The following TXNDC8 variants were observed in gnomAD, a reference collection of about 807,000 sequenced individuals.
The protein encoded by TXNDC8 is thioredoxin domain-containing protein 8.
A neutral mutation model predicts 12.9 loss-of-function variants in TXNDC8; 15 were observed. The ratio of observed to expected loss-of-function variants is 1.16; its 90% CI spans 0.78 to 1.79. The LOEUF is 1.79. Ranked by LOEUF, TXNDC8 falls within the 40% of genes most tolerant of loss-of-function variation. The pLI is 0.00. For synonymous variants in TXNDC8, 40 were observed against 35.4 expected, an observed-to-expected ratio of 1.13 and a Z score of -0.46; for missense variants, 128 against 113.2, an observed-to-expected ratio of 1.13 and a Z score of -0.59.
chr9:110,303,146 C>T (rs1838305465), downstream of TXNDC8, among the ~76,000 whole-genome samples: 3 of 152,034 alleles, frequency 2.0e-5, no homozygotes, highest in Admixed American at 1.3e-4. Flanking sequence ...GTTCAAAGTG[C>T]ACGAGGGCAC....
downstream of TXNDC8, among the ~76,000 whole-genome samples, chr9:110,302,450 C>T (rs1838289046): frequency 6.6e-6 from 1 of 152,136 alleles, no homozygotes; most frequent in Non-Finnish European, 1.5e-5. Flanking sequence ...CCAAAGAATT[C>T]TAAAAAAGCA....
rs1839196229 is a variant in TXNDC8 at position 110,323,684 on chromosome 9, ATGGG to A, written c.195+2487_195+2490del. 23 of 606,354 alleles carry A rather than the reference ATGGG, an allele frequency of 3.8e-5. 1 individual carries two copies. The highest frequency in any genetic ancestry group is 1.5e-4 in the South Asian group (5 of 32,774). The allele number at this position is 606,354 out of a possible 1,614,324, so 37.6% of individuals were successfully genotyped here. On this transcript the variant is annotated intron_variant, in intron 3 of 4. Coordinates refer to ENST00000423740, the MANE Select transcript of TXNDC8 (RefSeq NM_001286946.2). ...CAGAGTTTACATAGCTGAAGAATCT[ATGGG>A]GATAGTGTAGGCTTCAGGCATGGAT...
chr9:110,332,908 C>T (rs781077223), intron 2 of TXNDC8, among the ~76,000 whole-genome samples: 7 of 152,080 alleles, frequency 4.6e-5, no homozygotes, highest in East Asian at 1.9e-4. Context: ...ACATGCAAGG[C>T]GTATTATTCG....
At chr9:110,302,817 AC>A (rs1487676733), downstream of TXNDC8, among the ~76,000 whole-genome samples, 5 of 152,078 alleles carry the variant, frequency 3.3e-5, no homozygotes, top group Non-Finnish European at 7.4e-5. Flanking sequence ...TAATCCCAGA[AC>A]TTTGGGAGGC....
intron 2 of TXNDC8, among the ~76,000 whole-genome samples, chr9:110,328,421 G>A (rs773490757): frequency 3.3e-5 from 5 of 152,006 alleles, no homozygotes; most frequent in Non-Finnish European, 5.9e-5. Context: ...TTCTTATGAT[G>A]CTTCAAAAAA....
chr9:110,315,881 G>A (rs1022234151), intron 3 of TXNDC8, among the ~76,000 whole-genome samples: 19 of 151,538 alleles, frequency 1.3e-4, no homozygotes, highest in African/African-American at 4.6e-4. Context: ...CTGTAGAAAT[G>A]TATGTACAAT....
At chr9:110,336,829 G>A (rs796694773) in intron 1 of TXNDC8, among the ~76,000 whole-genome samples, 8 of 152,206 alleles carry the variant, frequency 5.3e-5, no homozygotes, top group African/African-American at 1.9e-4. Context: ...GGATGGCCAA[G>A]GTCAACCTCA....
At chr9:110,318,732 C>T (rs1176807791) in intron 3 of TXNDC8, among the ~76,000 whole-genome samples, 4 of 149,536 alleles carry the variant, frequency 2.7e-5, no homozygotes, top group Admixed American at 2.7e-4. Flanking sequence ...AGCAAGACTC[C>T]GTCTAAAAAA....
chr9:110,311,715 C>G lies in TXNDC8; in HGVS notation c.196-7183G>C, dbSNP rs560699197. 3.8e-3 allele frequency among the ~76,000 whole-genome samples: 466 copies of G among 122,954 alleles called. 8 individuals are homozygous for G. The highest frequency in any genetic ancestry group is 0.014 in the African/African-American group (445 of 31,132). The allele number at this position is 122,954 out of a possible 152,430, so 80.7% of individuals were successfully genotyped here. On this transcript the variant is annotated intron_variant, in intron 3 of 4. Transcript: ENST00000423740. ...ATATATACATGGATATACTATATTA[C>G]TATATCCATATATATACTATATATA...
intron 3 of TXNDC8, among the ~76,000 whole-genome samples, chr9:110,305,787 TCTTTCTTTTCTTTTCTTTTCTTTCCTTTC>T (rs1230357913): frequency 4.3e-5 from 4 of 93,230 alleles, no homozygotes; most frequent in African/African-American, 1.6e-4. Context: ...TCTTTTCTTT[TCTTTCTTTTCTTTTCTTTTCTTTCCTTTC>T]CTTTCCTTTC....
chr9:110,326,505 C>T (rs1208533289), intron 2 of TXNDC8, among the ~76,000 whole-genome samples: 2 of 152,094 alleles, frequency 1.3e-5, no homozygotes, highest in Non-Finnish European at 2.9e-5. Context: ...AGATGGAGGC[C>T]ACAACAGAAT....
chr9:110,301,458 C>A (rs975825882), downstream of TXNDC8, among the ~76,000 whole-genome samples: 1 of 152,132 alleles, frequency 6.6e-6, no homozygotes, highest in Admixed American at 6.5e-5. Context: ...TTATTTTTTG[C>A]AGTGAGCACA....
intron 3 of TXNDC8, among the ~76,000 whole-genome samples, chr9:110,321,534 T>G (rs137917892): frequency 6.6e-6 from 1 of 152,318 alleles, no homozygotes; most frequent in Admixed American, 6.5e-5. Context: ...GAACTCTAGG[T>G]TTTATTTTTT....
At chr9:110,325,722 T>G (rs1839289065) in intron 3 of TXNDC8, among the ~76,000 whole-genome samples, 1 of 152,194 alleles carries the variant, frequency 6.6e-6, no homozygotes, top group Admixed American at 6.5e-5. Context: ...GGTTTCACTG[T>G]GTTAGCCAGG....
intron 3 of TXNDC8, among the ~76,000 whole-genome samples, chr9:110,309,251 G>A (rs1838571824): frequency 6.6e-6 from 1 of 152,146 alleles, no homozygotes; most frequent in Non-Finnish European, 1.5e-5. Context: ...TGGGTGACTC[G>A]GGCCTCAAGG....
chr9:110,317,407 G>A (rs932521292), intron 3 of TXNDC8, among the ~76,000 whole-genome samples: 5 of 152,150 alleles, frequency 3.3e-5, no homozygotes, highest in African/African-American at 7.2e-5. Context: ...CTGACACAAA[G>A]GAATGAACTT....
intron 3 of TXNDC8, among the ~76,000 whole-genome samples, chr9:110,324,528 CT>C (rs140119063): frequency 0.039 from 5,906 of 151,558 alleles, 132 homozygotes; most frequent in East Asian, 0.076. Flanking sequence ...TTCTTTATAA[CT>C]TTTTTTTTGC....
In TXNDC8 at chr9:110,334,284, TG is replaced by T. The variant is rs1329898944; in HGVS notation, c.60del (p.His20GlnfsTer47). The T allele has an allele frequency of 4.3e-6, 7 of 1,613,984 alleles. No individual in the cohort carries two copies. The highest frequency in any genetic ancestry group is 5.9e-6 in the Non-Finnish European group (7 of 1,179,838). ...GAAGAAAATTGAACCACTGCGAGTT[TG>T]TGTCCGGCAGCTGTCAAAAATGTTT... On this transcript the variant is annotated frameshift_variant, in exon 2 of 5. Coordinates refer to ENST00000423740, the MANE Select transcript of TXNDC8 (RefSeq NM_001286946.2). LOFTEE classifies it high-confidence loss of function.
At chr9:110,331,437 C>T (rs536253950) in intron 2 of TXNDC8, among the ~76,000 whole-genome samples, 5 of 152,038 alleles carry the variant, frequency 3.3e-5, no homozygotes, top group African/African-American at 1.2e-4. Context: ...GTCTGTGGTG[C>T]TCTGAAGAGT....
Sources: allele counts gnomAD v4.1 joint callset (sites outside exome capture counted in the v4.1 genomes callset), GRCh38; gene constraint gnomAD v4.1.1; transcripts MANE v1.5; gene names NCBI Gene and HGNC (gene_info 2026-07-23, HGNC 2026-07-21).